The following MTUS2 variants were observed in gnomAD, a reference collection of about 807,000 sequenced individuals.
MTUS2 encodes microtubule-associated tumor suppressor candidate 2.
MTUS2 carries 40 observed loss-of-function variants against 114.1 expected under a neutral mutation model. That is an observed-to-expected ratio of 0.35 (90% CI 0.27 to 0.46). The LOEUF (loss-of-function observed/expected upper bound fraction) is 0.46. MTUS2 is among the 20% of genes least tolerant of loss of function. The pLI, the probability that MTUS2 is intolerant of heterozygous loss-of-function variation, is 1.00. For missense variants in MTUS2, 1,679 were observed against 1,705.4 expected (o/e 0.98, Z 0.27); for synonymous variants, 688 against 672.0 (o/e 1.02, Z -0.37).
chr13:28,842,158 C>T (rs1472115100), intron 2 of MTUS2, among the ~76,000 whole-genome samples: 1 of 152,030 alleles, frequency 6.6e-6, no homozygotes, highest in East Asian at 1.9e-4. Flanking sequence ...AAAACGACCT[C>T]TCCTCTGCTC....
chr13:29,493,079 G>A (rs1882304845), intron 12 of MTUS2, among the ~76,000 whole-genome samples: 1 of 152,208 alleles, frequency 6.6e-6, no homozygotes, highest in Admixed American at 6.5e-5. Context: ...GTTCTAGGCA[G>A]GGGTAACGGT....
intron 5 of MTUS2, among the ~76,000 whole-genome samples, chr13:29,278,768 C>CA: frequency 6.6e-6 from 1 of 152,274 alleles, no homozygotes; most frequent in Non-Finnish European, 1.5e-5. Flanking sequence ...GCTTGATGGT[C>CA]AATTGTGTTA....
intron 5 of MTUS2, among the ~76,000 whole-genome samples, chr13:29,177,517 G>T (rs561378249): frequency 6.9e-6 from 1 of 144,988 alleles, no homozygotes; most frequent in African/African-American, 2.9e-5. Flanking sequence ...TTCCCTAATT[G>T]ATCTCAGAAC....
chr13:29,202,770 T>A (rs1371692694), intron 5 of MTUS2, among the ~76,000 whole-genome samples: 5 of 152,222 alleles, frequency 3.3e-5, no homozygotes, highest in African/African-American at 1.2e-4. Context: ...GCCCCTCTAC[T>A]GCAGGTCTGC....
chr13:29,159,123 A>G (rs1480863041), intron 5 of MTUS2, among the ~76,000 whole-genome samples: 2 of 152,198 alleles, frequency 1.3e-5, no homozygotes, highest in East Asian at 3.9e-4. Flanking sequence ...GTGGTATAAT[A>G]CTAGTTTTGT....
rs1879539596 is a variant in MTUS2, at chr13:29,462,129, G to A, written c.3185-18021G>A. On this transcript the variant is annotated intron_variant, in intron 9 of 15. Coordinates refer to ENST00000612955, the MANE Select transcript of MTUS2 (RefSeq NM_001033602.4). ...CTCCAGTGTTTCAGATTCAGGGGAA[G>A]AGGGTGGAGCCCAAGAATTTGCATT... Among the ~76,000 whole-genome samples the A allele has an allele frequency of 2.6e-5, 4 of 152,258 alleles. No homozygotes were observed. The South Asian group carries it at 8.3e-4, about 31-fold the overall frequency.
At chr13:29,011,073 C>G (rs962131763) in intron 2 of MTUS2, among the ~76,000 whole-genome samples, 1 of 152,064 alleles carries the variant, frequency 6.6e-6, no homozygotes, top group Admixed American at 6.6e-5. Context: ...ATCACTAAAC[C>G]GAATTGACCA....
At chr13:29,486,010 T>G (rs1881591055) in intron 10 of MTUS2, among the ~76,000 whole-genome samples, 1 of 152,212 alleles carries the variant, frequency 6.6e-6, no homozygotes, top group South Asian at 2.1e-4. Flanking sequence ...AAAGAAAAGA[T>G]ATTTCCTTTT....
At chr13:28,898,073 T>C (rs1028451344) in intron 2 of MTUS2, among the ~76,000 whole-genome samples, 7 of 151,804 alleles carry the variant, frequency 4.6e-5, no homozygotes, top group African/African-American at 1.2e-4. Flanking sequence ...GTTGAAGTTT[T>C]GTTTGGGGGG....
At chr13:29,441,045 G>T (rs1877806674) in intron 9 of MTUS2, among the ~76,000 whole-genome samples, 1 of 152,122 alleles carries the variant, frequency 6.6e-6, no homozygotes, top group South Asian at 2.1e-4. Context: ...ATTAAAGTAG[G>T]TCTGCAATGG....
At chr13:28,929,417 A>C (rs970460668) in intron 2 of MTUS2, among the ~76,000 whole-genome samples, 2 of 152,222 alleles carry the variant, frequency 1.3e-5, no homozygotes, top group Non-Finnish European at 2.9e-5. Context: ...TTACATTATC[A>C]CATGTACCCT....
At chr13:28,969,987 C>T (rs1883778803) in intron 2 of MTUS2, among the ~76,000 whole-genome samples, 1 of 152,128 alleles carries the variant, frequency 6.6e-6, no homozygotes, top group Non-Finnish European at 1.5e-5. Context: ...CACCATGTTG[C>T]CAGGCTGGTC....
intron 5 of MTUS2, among the ~76,000 whole-genome samples, chr13:29,269,192 A>G (rs922690109): frequency 3.3e-5 from 5 of 152,150 alleles, no homozygotes; most frequent in Admixed American, 2.6e-4. Flanking sequence ...CCCAGTGCCC[A>G]TTTGTCCTTA....
At chr13:29,418,767 A>T (rs1184372443) in intron 8 of MTUS2, among the ~76,000 whole-genome samples, 4 of 152,048 alleles carry the variant, frequency 2.6e-5, no homozygotes, top group Non-Finnish European at 5.9e-5. Context: ...TCACAAATTT[A>T]TTTCTCACAG....
intron 8 of MTUS2, among the ~76,000 whole-genome samples, chr13:29,385,105 C>A (rs1055731985): frequency 5.3e-5 from 8 of 152,318 alleles, no homozygotes; most frequent in African/African-American, 1.7e-4. Context: ...GGCTTCCAGG[C>A]TCCAGTTGTT....
intron 8 of MTUS2, among the ~76,000 whole-genome samples, chr13:29,421,964 T>G (rs139862594): frequency 0.013 from 2,043 of 152,380 alleles, 62 homozygotes; most frequent in African/African-American, 0.047. Context: ...TGCATGTTTC[T>G]ACTATGTCAG....
intron 5 of MTUS2, among the ~76,000 whole-genome samples, chr13:29,251,101 A>T (rs1043172200): frequency 3.9e-5 from 6 of 152,186 alleles, no homozygotes; most frequent in Admixed American, 3.3e-4. Flanking sequence ...GTAATTTATA[A>T]TATAAAGTTG....
At chr13:29,200,564 A>T (rs1252499414) in intron 5 of MTUS2, among the ~76,000 whole-genome samples, 1 of 92,250 alleles carries the variant, frequency 1.1e-5, no homozygotes, top group Non-Finnish European at 2.0e-5. Flanking sequence ...CTTGTTGCCC[A>T]GGCTGGAATA....
intron 5 of MTUS2, among the ~76,000 whole-genome samples, chr13:29,251,766 T>G (rs1319323732): frequency 2.0e-5 from 3 of 152,246 alleles, no homozygotes; most frequent in Non-Finnish European, 2.9e-5. Context: ...TGTCAGAATT[T>G]CCTTCCTTTT....
Sources: gnomAD v4.1 joint callset for allele counts (sites outside exome capture counted in the v4.1 genomes callset) on GRCh38, gnomAD v4.1.1 for gene constraint, MANE v1.5 for transcripts, NCBI Gene and HGNC (gene_info 2026-07-23, HGNC 2026-07-21) for gene names.